Variants in AP3B1 observed in about 807,000 individuals in gnomAD.
The protein encoded by AP3B1 is AP-3 complex subunit beta-1.
Under a neutral mutation model 132.5 loss-of-function variants are expected in AP3B1, and 61 were observed. The observed-to-expected ratio is 0.46, with a 90% CI of 0.37 to 0.57. AP3B1 has a LOEUF of 0.57. Among genes scored for constraint, AP3B1 ranks in the 20% least tolerant of loss-of-function variants. AP3B1 has a pLI of 0.00. For missense variants in AP3B1, 1,120 were observed against 1,289.4 expected, an observed-to-expected ratio of 0.87 and a Z score of 2.01; for synonymous variants, 388 against 438.3, an observed-to-expected ratio of 0.89 and a Z score of 1.43.
rs182066170 is a variant in AP3B1 at position 78,024,786 on chromosome 5, C to T, written c.2895-3997G>A. On this transcript the variant is annotated intron_variant, in intron 24 of 26. Transcript: ENST00000255194. ...CCATGTTGGCCAGGCTAGTCTCGAA[C>T]TCCTGACCTCAAGTTATCTACCCGC... 2.5e-3 allele frequency among the ~76,000 whole-genome samples: 373 copies of T among 151,570 alleles called. 1 individual carries two copies. Among genetic ancestry groups the T allele is most frequent in the African/African-American group, 8.5e-3 (349 of 41,288 alleles).
intron 22 of AP3B1, among the ~76,000 whole-genome samples, chr5:78,081,588 C>CA (rs1750010464): frequency 6.6e-6 from 1 of 152,092 alleles, no homozygotes; most frequent in Admixed American, 6.6e-5. Context: ...TGAGCCACCG[C>CA]ACCCGGCATA....
chr5:78,092,296 A>C (rs1184710812), intron 21 of AP3B1, among the ~76,000 whole-genome samples: 1 of 152,246 alleles, frequency 6.6e-6, no homozygotes, highest in Non-Finnish European at 1.5e-5. Flanking sequence ...TTTTTAAAAA[A>C]GGATGGGTTT....
At chr5:78,149,751 A>G (rs1329132610) in intron 14 of AP3B1, among the ~76,000 whole-genome samples, 1 of 152,200 alleles carries the variant, frequency 6.6e-6, no homozygotes, top group Non-Finnish European at 1.5e-5. Context: ...CTGTGAATCC[A>G]AGTCATCCGG....
intron 6 of AP3B1, among the ~76,000 whole-genome samples, chr5:78,224,052 AAT>A (rs1746299941): frequency 6.6e-6 from 1 of 152,116 alleles, no homozygotes; most frequent in Non-Finnish European, 1.5e-5. Flanking sequence ...TTGCACTTAT[AAT>A]AGAAAAGCAC....
chr5:78,113,651 CTT>C lies in AP3B1; in HGVS notation c.2249+99_2249+100del, dbSNP rs1008880568. ...TTTAATATCTGGAAAAAAATACACA[CTT>C]TTTTTCTCTCACCATTTTTTGATTA... On this transcript the variant is annotated intron_variant, in intron 19 of 26. Transcript: ENST00000255194. The C allele has an allele frequency of 4.6e-5, 62 of 1,356,688 alleles. No individual in the cohort carries two copies. In the African/African-American group the frequency reaches 8.2e-4, roughly 18 times the overall value. The allele number at this position is 1,356,688 out of a possible 1,614,324, so 84.0% of individuals were successfully genotyped here. A position where few individuals can be genotyped will look rare whatever the true frequency, so the allele number is the denominator to read the frequency against.
chr5:78,141,067 G>T (rs529393540), intron 15 of AP3B1, 76 bp downstream of exon 15: 13 of 1,367,018 alleles, frequency 9.5e-6, no homozygotes, highest in South Asian at 2.3e-5. Flanking sequence ...ACTAATGAAG[G>T]CACAGACCCC....
chr5:78,210,269 G>C (rs1284065488), intron 7 of AP3B1, among the ~76,000 whole-genome samples: 1 of 151,886 alleles, frequency 6.6e-6, no homozygotes, highest in African/African-American at 2.4e-5. Flanking sequence ...CTAACATTTT[G>C]GTCCGTTAAG....
At chr5:78,193,745 TATATATATATATATATATATA>T (rs1422697472) in intron 7 of AP3B1, among the ~76,000 whole-genome samples, 5 of 24,448 alleles carry the variant, frequency 2.0e-4, no homozygotes, top group Admixed American at 3.3e-4. Flanking sequence ...TATATTTTTT[TATATATATATATATATATATA>T]TATATTTTTT....
intron 3 of AP3B1, among the ~76,000 whole-genome samples, chr5:78,237,751 T>C (rs1315919637): frequency 6.6e-6 from 1 of 152,126 alleles, no homozygotes; most frequent in Non-Finnish European, 1.5e-5. Context: ...AGGCAGAGGT[T>C]GTAGTGAGCC....
At position 78,246,219 on chromosome 5, in the gene AP3B1, T is replaced by C. The variant is rs187766703; in HGVS notation, c.205-5283A>G. ...CACATTTGACTTTTATTTTTTTTCA[T>C]CCTTCAACCTTTGGTGGCCTCAGCC... On this transcript the variant is annotated intron_variant, in intron 2 of 26. Coordinates refer to ENST00000255194, the MANE Select transcript of AP3B1 (RefSeq NM_003664.5). 1.4e-4 allele frequency among the ~76,000 whole-genome samples: 22 copies of C among 152,340 alleles called. No individual in the cohort carries two copies. The East Asian group carries it at 4.2e-3, about 29-fold the overall frequency.
intron 20 of AP3B1, among the ~76,000 whole-genome samples, chr5:78,106,161 G>C (rs895786906): frequency 7.0e-4 from 107 of 152,300 alleles, no homozygotes; most frequent in African/African-American, 2.3e-3. Flanking sequence ...ACTGGGATTA[G>C]AATTTAGTGT....
chr5:78,101,847 CAA>C (rs545555443), intron 20 of AP3B1, among the ~76,000 whole-genome samples: 341 of 152,118 alleles, frequency 2.2e-3, no homozygotes, highest in Non-Finnish European at 3.5e-3. Flanking sequence ...TAAAGGCCAA[CAA>C]AGAGTAGGGC....
At chr5:78,082,178 T>G (rs1212290185) in intron 22 of AP3B1, among the ~76,000 whole-genome samples, 6 of 152,166 alleles carry the variant, frequency 3.9e-5, no homozygotes, top group Non-Finnish European at 8.8e-5. Flanking sequence ...ATGGAATAGG[T>G]GACATCAACC....
At chr5:78,030,066 C>T (rs759401954) in intron 24 of AP3B1, among the ~76,000 whole-genome samples, 1 of 151,904 alleles carries the variant, frequency 6.6e-6, no homozygotes, top group East Asian at 1.9e-4. Flanking sequence ...TATTTTTATA[C>T]GTTGATAAAT....
intron 1 of AP3B1, among the ~76,000 whole-genome samples, chr5:78,283,386 T>C (rs1006699346): frequency 2.0e-5 from 3 of 152,220 alleles, no homozygotes; most frequent in African/African-American, 7.2e-5. Flanking sequence ...CCTTTCCTTA[T>C]ACCTTAAACA....
chr5:78,128,146 G>C lies in AP3B1; in HGVS notation c.1852C>G (p.Gln618Glu). 2 of 1,606,058 alleles carry C rather than the reference G, an allele frequency of 1.2e-6. No individual in the cohort carries two copies. The highest frequency in any genetic ancestry group is 1.7e-6 in the Non-Finnish European group (2 of 1,173,294). Reference sequence around the variant, plus strand: ...AGAGTATGAGATAAGGTGCCAAGCTGGAAATGATCTCTATCTATTAAAAAT... The same window carrying C: ...AGAGTATGAGATAAGGTGCCAAGCTCGAAATGATCTCTATCTATTAAAAAT... ...ESPFKDRDHFQLGTLSHTLNI... is the reference protein window; with the variant it reads ...ESPFKDRDHFELGTLSHTLNI... The change falls in exon 17 of 27, where the codon CAG (glutamine) becomes GAG (glutamate). Residue 618 changes from glutamine to glutamate, a missense_variant. Gln to Glu is a conservative substitution (Grantham distance 29). Around this residue, in one of 3 missense-constraint regions of AP3B1, gnomAD observed 906 missense variants for 997.1 expected, o/e 0.91. Coordinates refer to ENST00000255194, the MANE Select transcript of AP3B1 (RefSeq NM_003664.5).
chr5:78,152,850 T>C (rs1428728558), intron 14 of AP3B1, among the ~76,000 whole-genome samples: 1 of 152,212 alleles, frequency 6.6e-6, no homozygotes, highest in Non-Finnish European at 1.5e-5. Flanking sequence ...TTTATATTGT[T>C]TGAAAATTCC....
intron 1 of AP3B1, among the ~76,000 whole-genome samples, chr5:78,274,586 G>A (rs1175732455): frequency 6.6e-6 from 1 of 152,010 alleles, no homozygotes. Flanking sequence ...GTACAGCATA[G>A]TCAAACTGCT....
chr5:78,235,624 C>A (rs958318003), intron 3 of AP3B1, among the ~76,000 whole-genome samples: 1 of 152,208 alleles, frequency 6.6e-6, no homozygotes, highest in Non-Finnish European at 1.5e-5. Flanking sequence ...CATTCTGTGA[C>A]CAGAAATGGG....
Sources: gnomAD v4.1 joint callset for allele counts (sites outside exome capture counted in the v4.1 genomes callset) on GRCh38, gnomAD v4.1.1 for gene constraint, gnomAD v4.1.1 regional missense constraint, MANE v1.5 for transcripts, NCBI Gene and HGNC (gene_info 2026-07-23, HGNC 2026-07-21) for gene names.